The following SUPT3H variants were observed in gnomAD, a reference collection of about 807,000 sequenced individuals.
The protein encoded by SUPT3H is SPT3 homolog, SAGA and STAGA complex component, also known as transcription initiation protein SPT3 homolog.
SUPT3H carries 44 observed loss-of-function variants against 44.3 expected under a neutral mutation model. The ratio of observed to expected loss-of-function variants is 0.99; its 90% CI spans 0.78 to 1.28. The LOEUF is 1.28. Ranked by LOEUF, SUPT3H falls within the 50% of genes most tolerant of loss-of-function variation. The pLI is 0.00. For missense variants in SUPT3H, 380 were observed against 387.1 expected, an observed-to-expected ratio of 0.98 and a Z score of 0.15; for synonymous variants, 124 against 125.6, an observed-to-expected ratio of 0.99 and a Z score of 0.09.
rs369004193 is a variant in SUPT3H at position 45,007,515 on chromosome 6, G to C, written c.365-3723C>G. On this transcript the variant is annotated intron_variant, in intron 5 of 10. Coordinates refer to ENST00000371459, the MANE Select transcript of SUPT3H (RefSeq NM_003599.4). Reference sequence around the variant, plus strand: ...CATTTTATTCTCCCTAATTAGGTCTGAAGAGTGACTTTTTGACAAAAAATC... The same window carrying C: ...CATTTTATTCTCCCTAATTAGGTCTCAAGAGTGACTTTTTGACAAAAAATC... Among the ~76,000 whole-genome samples the C allele has an allele frequency of 6.0e-4, 91 of 152,116 alleles. 1 individual carries two copies. In the South Asian group the frequency reaches 0.018, roughly 31 times the overall value.
intron 2 of SUPT3H, among the ~76,000 whole-genome samples, chr6:45,249,550 G>T (rs578196862): frequency 6.6e-6 from 1 of 152,184 alleles, no homozygotes; most frequent in South Asian, 2.1e-4. Context: ...AAGCCCAGGG[G>T]GATTAACTCA....
chr6:45,137,405 T>G (rs1424704505), intron 2 of SUPT3H, among the ~76,000 whole-genome samples: 2 of 152,020 alleles, frequency 1.3e-5, no homozygotes, highest in South Asian at 4.1e-4. Context: ...CTTCCCTTAG[T>G]TTCTTTTAAA....
At chr6:45,158,298 A>ATATATT in intron 2 of SUPT3H, among the ~76,000 whole-genome samples, 6 of 99,688 alleles carry the variant, frequency 6.0e-5, no homozygotes, top group African/African-American at 2.5e-4. Context: ...ATATATATAT[A>ATATATT]TTTTTTTTTT....
chr6:44,876,305 A>C (rs1327876342), intron 10 of SUPT3H, among the ~76,000 whole-genome samples: 20 of 61,738 alleles, frequency 3.2e-4, no homozygotes, highest in African/African-American at 1.2e-3. Flanking sequence ...CATATACACC[A>C]TGGAATACTA....
intron 2 of SUPT3H, among the ~76,000 whole-genome samples, chr6:45,300,008 G>C (rs1016681160): frequency 1.3e-5 from 2 of 151,890 alleles, no homozygotes; most frequent in Admixed American, 6.6e-5. Context: ...GGAAATTCTG[G>C]CATAAGTGGC....
At chr6:45,035,082 GTC>G (rs1411383307) in intron 3 of SUPT3H, among the ~76,000 whole-genome samples, 1 of 152,118 alleles carries the variant, frequency 6.6e-6, no homozygotes, top group African/African-American at 2.4e-5. Flanking sequence ...AGTATTTAAA[GTC>G]TCTGATAAAT....
intron 10 of SUPT3H, among the ~76,000 whole-genome samples, chr6:44,902,039 G>A (rs1765158010): frequency 2.0e-5 from 3 of 152,030 alleles, no homozygotes; most frequent in African/African-American, 7.2e-5. Context: ...AACATGGAAA[G>A]GAAAAACTGG....
chr6:45,014,229 T>C (rs1031320938), intron 5 of SUPT3H, among the ~76,000 whole-genome samples: 1 of 151,978 alleles, frequency 6.6e-6, no homozygotes, highest in African/African-American at 2.4e-5. Flanking sequence ...AGGGGGAAGA[T>C]TTGAAATGAA....
chr6:45,241,830 A>T (rs547816900), intron 2 of SUPT3H, among the ~76,000 whole-genome samples: 54 of 152,236 alleles, frequency 3.5e-4, no homozygotes, highest in Non-Finnish European at 5.6e-4. Context: ...GTTTAAAGAG[A>T]ATGGAATATA....
chr6:45,282,710 A>G (rs1778385096), intron 2 of SUPT3H, among the ~76,000 whole-genome samples: 1 of 152,222 alleles, frequency 6.6e-6, no homozygotes, highest in Admixed American at 6.5e-5. Context: ...GCAGGCCAAC[A>G]TGCAAAGTCA....
At chr6:45,189,914 C>G (rs958198676) in intron 2 of SUPT3H, among the ~76,000 whole-genome samples, 1 of 152,156 alleles carries the variant, frequency 6.6e-6, no homozygotes, top group Non-Finnish European at 1.5e-5. Flanking sequence ...ACAGAAAAAT[C>G]CCTTTAAAAG....
chr6:44,936,920 G>A (rs1771531091), intron 9 of SUPT3H, among the ~76,000 whole-genome samples: 1 of 151,936 alleles, frequency 6.6e-6, no homozygotes, highest in Admixed American at 6.5e-5. Flanking sequence ...ACCTGCCTCG[G>A]CCTCCCAATG....
intron 2 of SUPT3H, among the ~76,000 whole-genome samples, chr6:45,204,508 G>C (rs950671447): frequency 1.6e-4 from 24 of 152,058 alleles, no homozygotes; most frequent in African/African-American, 5.8e-4. Flanking sequence ...AGAGCCTTTG[G>C]GTTCAAGGAG....
chr6:44,955,871 A>G (rs1207023302), intron 7 of SUPT3H, among the ~76,000 whole-genome samples: 1 of 152,136 alleles, frequency 6.6e-6, no homozygotes, highest in Admixed American at 6.5e-5. Context: ...CTGTAATCCC[A>G]GCACTTTGGG....
At chr6:45,009,326 AATT>A in intron 5 of SUPT3H, among the ~76,000 whole-genome samples, 1 of 152,152 alleles carries the variant, frequency 6.6e-6, no homozygotes, top group African/African-American at 2.4e-5. Context: ...GATCAAGTCC[AATT>A]TTCCCTTTTT....
intron 2 of SUPT3H, among the ~76,000 whole-genome samples, chr6:45,114,210 T>C (rs1471643238): frequency 6.6e-6 from 1 of 152,160 alleles, no homozygotes; most frequent in African/African-American, 2.4e-5. Flanking sequence ...AAATATTGAC[T>C]GATTGCCTGG....
chr6:45,102,759 G>C (rs1474763391), intron 3 of SUPT3H, among the ~76,000 whole-genome samples: 1 of 151,952 alleles, frequency 6.6e-6, no homozygotes, highest in Non-Finnish European at 1.5e-5. Flanking sequence ...TGGCCAATAT[G>C]GTGAAACCTT....
At chr6:45,336,000 G>T (rs1393396679) in intron 2 of SUPT3H, among the ~76,000 whole-genome samples, 1 of 151,168 alleles carries the variant, frequency 6.6e-6, no homozygotes, top group African/African-American at 2.4e-5. Flanking sequence ...TATTTCTAAA[G>T]AAATGGAAAT....
chr6:45,074,357 T>C (rs1794747835), intron 3 of SUPT3H, among the ~76,000 whole-genome samples: 1 of 152,050 alleles, frequency 6.6e-6, no homozygotes, highest in Non-Finnish European at 1.5e-5. Flanking sequence ...AAAGATTTCT[T>C]GGACAAAACA....
Sources: gnomAD v4.1 joint callset for allele counts (sites outside exome capture counted in the v4.1 genomes callset) on GRCh38, gnomAD v4.1.1 for gene constraint, MANE v1.5 for transcripts, NCBI Gene and HGNC (gene_info 2026-07-23, HGNC 2026-07-21) for gene names.